The following DNAI4 variants were observed in gnomAD, a reference collection of about 807,000 sequenced individuals.
The protein encoded by DNAI4 is WD repeat domain 78.
DNAI4 carries 85 observed loss-of-function variants against 105.8 expected under a neutral mutation model. That is an observed-to-expected ratio of 0.80 (90% CI 0.67 to 0.96). The LOEUF is 0.96. DNAI4 is among the 40% of genes least tolerant of loss of function. DNAI4 has a pLI of 0.00. For synonymous variants in DNAI4, 352 were observed against 331.5 expected, an observed-to-expected ratio of 1.06 and a Z score of -0.67; for missense variants, 1,014 against 1,005.6, an observed-to-expected ratio of 1.01 and a Z score of -0.11.
intron 9 of DNAI4, 36 bp downstream of exon 9, chr1:66,840,433 C>T (rs1646124828): frequency 6.4e-7 from 1 of 1,572,338 alleles, no homozygotes; most frequent in Non-Finnish European, 8.8e-7. Context: ...CCCTTCAATG[C>T]TAGAAACAGA....
Position 66,827,887 on chromosome 1 carries a change from G to T in DNAI4, c.2037C>A (p.Gly679=). 1 of 1,604,666 alleles carries T rather than the reference G, an allele frequency of 6.2e-7. No homozygotes were observed. Among genetic ancestry groups the T allele is most frequent in the Non-Finnish European group, 8.5e-7 (1 of 1,175,490 alleles). ...ATTTGTGAATATGACCTTCTTCAGT[G>T]CCAGCCAAATAGATATTTGTGTCCT... ...HPKDTNIYLA[G]TEEGHIHKCS... The change falls in exon 14 of 17, where the codon GGC becomes GGA. Residue 679 remains glycine (G), a synonymous_variant. Transcript: ENST00000371026.
chr1:66,840,711 T>A (rs1250745239), intron 8 of DNAI4, 40 bp from the exon 9 acceptor site: 1 of 1,604,816 alleles, frequency 6.2e-7, no homozygotes, highest in South Asian at 1.1e-5. Context: ...GTCCTCTACA[T>A]CTATAGGGAC....
chr1:66,881,602 C>A (rs1335338511), intron 4 of DNAI4, among the ~76,000 whole-genome samples: 1 of 152,208 alleles, frequency 6.6e-6, no homozygotes, highest in East Asian at 1.9e-4. Flanking sequence ...GCCTGTACCC[C>A]CATTGTATCT....
chr1:66,825,570 T>C (rs1311385081), intron 15 of DNAI4, among the ~76,000 whole-genome samples: 2 of 152,226 alleles, frequency 1.3e-5, no homozygotes, highest in African/African-American at 4.8e-5. Context: ...TTTCCTAGTC[T>C]TCGTCATCTA....
In DNAI4 at chr1:66,833,564, A is replaced by C. The variant is rs753837930; in HGVS notation, c.2013+21T>G. ...TTGGAAATTGTTATGTCCAGTGGTA[A>C]ATAAGAGTGAAATAATTTACCTTGG... On this transcript the variant is annotated intron_variant, in intron 13 of 16. Transcript: ENST00000371026. The C allele has an allele frequency of 3.7e-6, 6 of 1,610,862 alleles. No homozygotes were observed. The African/African-American group carries it at 6.7e-5, about 18-fold the overall frequency.
chr1:66,827,098 T>G, intron 14 of DNAI4, 52 bp from the exon 15 acceptor site: 1 of 1,455,480 alleles, frequency 6.9e-7, no homozygotes, highest in Non-Finnish European at 9.4e-7. Flanking sequence ...ATCTTTTATT[T>G]TAAACTTGAC....
At chr1:66,884,759 TCAGACCCCAACTG>T (rs1298050322) in intron 4 of DNAI4, among the ~76,000 whole-genome samples, 1 of 152,114 alleles carries the variant, frequency 6.6e-6, no homozygotes, top group Non-Finnish European at 1.5e-5. Flanking sequence ...TGTTCCCCCT[TCAGACCCCAACTG>T]CAGCCCTGCC....
intron 7 of DNAI4, among the ~76,000 whole-genome samples, chr1:66,849,735 A>T (rs941290679): frequency 6.6e-6 from 1 of 152,240 alleles, no homozygotes; most frequent in African/African-American, 2.4e-5. Flanking sequence ...GCAAATGAAA[A>T]GAAAAACCAA....
rs150297905 is a variant in DNAI4 at position 66,840,503 on chromosome 1, T to C, written c.1460A>G (p.Asn487Ser). Residue 487 changes from asparagine to serine, a missense_variant, in exon 9 of 17, where the codon AAT becomes AGT. Asn to Ser is a conservative substitution (Grantham distance 46). Transcript: ENST00000371026. ...SFSCDLTKGL[N>S]VSSLAWNKTN... ...TTTATTCCAGGCAAGGCTGCTCACA[T>C]TGAGGCCTTTGGTTAAGTCACAGGA... The C allele has an allele frequency of 3.1e-6, 5 of 1,614,238 alleles. No homozygotes were observed. Among genetic ancestry groups the C allele is most frequent in the Middle Eastern group, 1.6e-4 (1 of 6,062 alleles).
chr1:66,818,247 T>C (rs1557890972), intron 16 of DNAI4, among the ~76,000 whole-genome samples: 1 of 152,008 alleles, frequency 6.6e-6, no homozygotes, highest in Non-Finnish European at 1.5e-5. Context: ...GTAAACAGCA[T>C]TGGAATATTT....
intron 6 of DNAI4, 109 bp from the exon 7 acceptor site, chr1:66,862,411 C>T (rs1237047255): frequency 8.3e-7 from 1 of 1,207,532 alleles, no homozygotes; most frequent in Non-Finnish European, 1.2e-6. Flanking sequence ...TCTACTATTG[C>T]CTGATGCAGT....
In DNAI4 at chr1:66,835,615, C is replaced by T. The variant is rs111953238; in HGVS notation, c.1733+11G>A. The T allele has an allele frequency of 1.2e-3, 1,888 of 1,612,158 alleles. 9 individuals carry two copies. In the African/African-American group the frequency reaches 0.021, roughly 18 times the overall value. On this transcript the variant is annotated intron_variant, in intron 11 of 16. Transcript: ENST00000371026. ...ATGTATTATACATTTATCTAATTCTCGGATTCTTACCTACTATCCAGAACT... is the reference window on the plus strand; with the variant it reads ...ATGTATTATACATTTATCTAATTCTTGGATTCTTACCTACTATCCAGAACT...
intron 9 of DNAI4, among the ~76,000 whole-genome samples, chr1:66,838,926 T>C (rs906328407): frequency 2.0e-5 from 3 of 152,208 alleles, no homozygotes; most frequent in African/African-American, 7.2e-5. Flanking sequence ...ACTGTATCTC[T>C]AGCGCCTTAA....
intron 1 of DNAI4, among the ~76,000 whole-genome samples, chr1:66,923,358 T>C (rs1340460858): frequency 6.6e-6 from 1 of 152,198 alleles, no homozygotes; most frequent in Non-Finnish European, 1.5e-5. Context: ...CACTAGAAGA[T>C]ATTTGCAAAA....
intron 10 of DNAI4, among the ~76,000 whole-genome samples, chr1:66,836,208 GA>G (rs1645996485): frequency 2.1e-5 from 1 of 46,812 alleles, no homozygotes; most frequent in South Asian, 8.8e-4. Flanking sequence ...AAGAAAGAAA[GA>G]GAGAGAGAGA....
intron 16 of DNAI4, among the ~76,000 whole-genome samples, chr1:66,816,030 A>C (rs1027519570): frequency 9.2e-5 from 14 of 152,136 alleles, no homozygotes; most frequent in African/African-American, 3.4e-4. Context: ...CCAGAGGGCC[A>C]GGCATGGTGG....
chr1:66,895,501 A>C (rs1648246701), intron 2 of DNAI4, among the ~76,000 whole-genome samples: 1 of 152,206 alleles, frequency 6.6e-6, no homozygotes, highest in Admixed American at 6.5e-5. Context: ...AAAAAATCTA[A>C]TTTTTGAACT....
rs373028338 is a variant in DNAI4 at position 66,826,991 on chromosome 1, C to G, written c.2168G>C (p.Cys723Ser). Reference protein sequence around the residue: ...NPFCHDVFLSCSADWGVIIWQ... With the variant: ...NPFCHDVFLSSSADWGVIIWQ... ...TATAATAACACCCCAATCTGCAGAA[C>G]AGCTTAAAAATACATCATGACAAAA... Residue 723 changes from cysteine (C) to serine (S), a missense_variant, in exon 15 of 17, where the codon TGT becomes TCT. Cys to Ser is a moderately radical substitution (Grantham distance 112, BLOSUM62 -1). Transcript: ENST00000371026. 2 of 1,614,024 alleles carry G rather than the reference C, an allele frequency of 1.2e-6. No individual in the cohort carries two copies. Among genetic ancestry groups the G allele is most frequent in the Non-Finnish European group, 1.7e-6 (2 of 1,180,006 alleles).
intron 1 of DNAI4, among the ~76,000 whole-genome samples, chr1:66,910,755 A>G (rs764181895): frequency 1.3e-5 from 2 of 152,188 alleles, no homozygotes; most frequent in African/African-American, 4.8e-5. Flanking sequence ...CTTGTGAATC[A>G]GTTATTGCTT....
Sources: gnomAD v4.1 joint callset for allele counts (sites outside exome capture counted in the v4.1 genomes callset) on GRCh38, gnomAD v4.1.1 for gene constraint, MANE v1.5 for transcripts, NCBI Gene and HGNC (gene_info 2026-07-23, HGNC 2026-07-21) for gene names.